CPNE8: variants seen among roughly 807,000 people sequenced by gnomAD.
CPNE8 encodes the protein copine 8.
In CPNE8, 45 loss-of-function variants were observed where a neutral mutation model predicts 81.5. The ratio of observed to expected loss-of-function variants is 0.55; its 90% CI spans 0.44 to 0.71. CPNE8 has a LOEUF of 0.71. Ranked by LOEUF, CPNE8 falls within the 30% of genes least tolerant of loss-of-function variation. CPNE8 has a pLI of 0.00. For missense variants in CPNE8, 594 were observed against 672.1 expected (o/e 0.88, Z 1.28); for synonymous variants, 252 against 226.3 (o/e 1.11, Z -1.02).
chr12:38,790,294 T>C (rs920830297), intron 6 of CPNE8, among the ~76,000 whole-genome samples: 7 of 151,696 alleles, frequency 4.6e-5, no homozygotes, highest in Admixed American at 4.6e-4. Flanking sequence ...TAAAACAATA[T>C]GGATGGAACT....
intron 10 of CPNE8, among the ~76,000 whole-genome samples, chr12:38,730,836 T>G (rs1940814847): frequency 2.2e-5 from 3 of 138,274 alleles, no homozygotes. Context: ...TATTAATATG[T>G]GTAATAGTCA....
chr12:38,814,360 A>G (rs1942989418), intron 6 of CPNE8, among the ~76,000 whole-genome samples: 1 of 111,816 alleles, frequency 8.9e-6, no homozygotes, highest in Non-Finnish European at 1.6e-5. Context: ...TCTGCTGCCC[A>G]GGCTGGAGTG....
intron 5 of CPNE8, among the ~76,000 whole-genome samples, chr12:38,830,610 T>G (rs1278374164): frequency 6.6e-6 from 1 of 152,212 alleles, no homozygotes; most frequent in African/African-American, 2.4e-5. Flanking sequence ...GTTTGTGTAC[T>G]GAACACGACC....
chr12:38,786,219 A>G (rs1014479137), intron 6 of CPNE8, among the ~76,000 whole-genome samples: 2 of 152,198 alleles, frequency 1.3e-5, no homozygotes, highest in African/African-American at 4.8e-5. Flanking sequence ...ATGAAAAAAG[A>G]TAACTGTGAT....
At chr12:38,828,481 T>C (rs1943234948) in intron 6 of CPNE8, among the ~76,000 whole-genome samples, 1 of 152,166 alleles carries the variant, frequency 6.6e-6, no homozygotes, top group African/African-American at 2.4e-5. Flanking sequence ...ATTTCTTGCA[T>C]AGCAATGAAC....
intron 8 of CPNE8, among the ~76,000 whole-genome samples, 179 bp from the exon 9 acceptor site, chr12:38,762,395 C>T (rs1459415526): frequency 6.6e-6 from 1 of 152,172 alleles, no homozygotes; most frequent in Non-Finnish European, 1.5e-5. Context: ...CTCACCATAA[C>T]CTACTTTGCA....
chr12:38,762,268 T>A, intron 8 of CPNE8, 52 bp from the exon 9 acceptor site: 1 of 1,078,736 alleles, frequency 9.3e-7, no homozygotes, highest in South Asian at 1.5e-5. Flanking sequence ...TTTTAATTGA[T>A]CTATTGTTTT....
intron 6 of CPNE8, among the ~76,000 whole-genome samples, chr12:38,796,783 CT>C (rs1942487518): frequency 6.6e-6 from 1 of 152,018 alleles, no homozygotes; most frequent in Non-Finnish European, 1.5e-5. Context: ...AGGGAGTTCC[CT>C]TTCCTAGTCA....
rs751707805 is a variant in CPNE8, at chr12:38,675,772, G to T, written c.1377C>A (p.Ala459=). 1 of 1,593,254 alleles carries T rather than the reference G, an allele frequency of 6.3e-7. No individual in the cohort carries two copies. The highest frequency in any genetic ancestry group is 1.3e-5 in the African/African-American group (1 of 74,538). ...TAATTATTGACATTGGAAGTTTTGA[G>T]GCCTTCAAAGAGAATATACAATTAG... is the stretch of plus-strand genomic sequence containing the variant. ...MAQTKESIVN[A]SKLPMSIIIV... Residue 459 remains alanine, a splice_region_variant and synonymous_variant, in exon 18 of 20, where the codon GCC becomes GCA. Transcript: ENST00000331366.
rs542792073 is a variant in CPNE8 at position 38,752,675 on chromosome 12, G to C, written c.722+8172C>G. Among the ~76,000 whole-genome samples, 4 of 152,256 alleles carry C rather than the reference G, an allele frequency of 2.6e-5. No homozygotes were observed. In the South Asian group the frequency reaches 8.3e-4, roughly 32 times the overall value. On this transcript the variant is annotated intron_variant, in intron 10 of 19. Transcript: ENST00000331366. ...TTCAGCATCAAATATCAAGAAATAT[G>C]CTCAATCTGTTCTTGGTAAACGAAG...
At position 38,753,233 on chromosome 12, in the gene CPNE8, C is replaced by T. The variant is rs148774729; in HGVS notation, c.722+7614G>A. 5.0e-3 allele frequency among the ~76,000 whole-genome samples: 760 copies of T among 152,198 alleles called. 6 individuals are homozygous for T. Among genetic ancestry groups the T allele is most frequent in the African/African-American group, 0.016 (659 of 41,498 alleles). On this transcript the variant is annotated intron_variant, in intron 10 of 19. Coordinates refer to ENST00000331366, the MANE Select transcript of CPNE8 (RefSeq NM_153634.3). ...TTGGGAGGCCGAGACGGGTGGATCA[C>T]TTGAGCTCAGGAGTTTGAGACAAGC...
At chr12:38,820,495 C>T (rs1278795196) in intron 6 of CPNE8, among the ~76,000 whole-genome samples, 1 of 151,904 alleles carries the variant, frequency 6.6e-6, no homozygotes, top group East Asian at 1.9e-4. Flanking sequence ...CTTAGTGTCA[C>T]CCAAATAAAA....
intron 7 of CPNE8, among the ~76,000 whole-genome samples, chr12:38,768,548 T>G (rs1302973080): frequency 1.5e-5 from 2 of 135,726 alleles, no homozygotes; most frequent in Non-Finnish European, 3.5e-5. Context: ...TGAGACGGAG[T>G]CTTGCTCTGT....
chr12:38,867,623 G>A (rs561188113), intron 3 of CPNE8, among the ~76,000 whole-genome samples: 2 of 152,222 alleles, frequency 1.3e-5, no homozygotes, highest in South Asian at 4.1e-4. Flanking sequence ...ATGTTTAAAA[G>A]TAATTCACAA....
At chr12:38,798,497 G>T (rs940956233) in intron 6 of CPNE8, among the ~76,000 whole-genome samples, 1 of 152,020 alleles carries the variant, frequency 6.6e-6, no homozygotes. Context: ...ACAAGCAAAT[G>T]CTGAGAGATG....
At position 38,861,050 on chromosome 12, in the gene CPNE8, G is replaced by A. The variant is rs573324674; in HGVS notation, c.186+11954C>T. ...GAAATATACAATGGAATATTATTCAGCTTTACAAAATAAGGTAATCCTGCT... is the reference window on the plus strand; with the variant it reads ...GAAATATACAATGGAATATTATTCAACTTTACAAAATAAGGTAATCCTGCT... On this transcript the variant is annotated intron_variant, in intron 3 of 19. Transcript: ENST00000331366. 1.1e-3 allele frequency among the ~76,000 whole-genome samples: 160 copies of A among 152,186 alleles called. 2 individuals carry two copies. Among genetic ancestry groups the A allele is most frequent in the African/African-American group, 3.7e-3 (153 of 41,544 alleles).
At chr12:38,791,471 A>C (rs531791865) in intron 6 of CPNE8, among the ~76,000 whole-genome samples, 8 of 151,772 alleles carry the variant, frequency 5.3e-5, no homozygotes, top group African/African-American at 1.7e-4. Context: ...TGGTTGAAAA[A>C]AAGGAATAAA....
intron 1 of CPNE8, among the ~76,000 whole-genome samples, chr12:38,897,395 G>A (rs1015871402): frequency 6.6e-6 from 1 of 152,014 alleles, no homozygotes; most frequent in Non-Finnish European, 1.5e-5. Context: ...AGATGTTTGT[G>A]ATGGAGAATA....
chr12:38,751,935 C>T (rs11169387), intron 10 of CPNE8, among the ~76,000 whole-genome samples: 45,241 of 152,060 alleles, frequency 0.3, 8,516 homozygotes, highest in Non-Finnish European at 0.42. Context: ...TACTGCTACG[C>T]TGCTCTCTTT....
Sources: gnomAD v4.1 joint callset for allele counts (sites outside exome capture counted in the v4.1 genomes callset) on GRCh38, gnomAD v4.1.1 for gene constraint, MANE v1.5 for transcripts, NCBI Gene and HGNC (gene_info 2026-07-23, HGNC 2026-07-21) for gene names.